PROSER1: variants seen among roughly 807,000 people sequenced by gnomAD.
PROSER1 encodes the protein proline and serine rich 1, also known as proline and serine-rich protein 1.
PROSER1 carries 36 observed loss-of-function variants against 71.8 expected under a neutral mutation model. The ratio of observed to expected loss-of-function variants is 0.50; its 90% CI spans 0.38 to 0.66. PROSER1 has a LOEUF of 0.66. PROSER1 is among the 30% of genes least tolerant of loss of function. The pLI, the probability that PROSER1 is intolerant of heterozygous loss-of-function variation, is 0.00. For synonymous variants in PROSER1, 490 were observed against 452.4 expected (o/e 1.08, Z -1.06); for missense variants, 1,107 against 1,135.0 (o/e 0.98, Z 0.35).
At position 39,014,154 on chromosome 13, in the gene PROSER1, C is replaced by T; in HGVS notation, c.1098G>A (p.Val366=). The part of the protein sequence containing the change: ...TPVPSIFSGL[V]SLPGPSATPT... ...GAGTGGCAGAAGGACCTGGCAGTGA[C>T]ACTAGGCCAGAAAAAATGGAAGGAA... The change falls in exon 11 of 13, where the codon GTG becomes GTA. Residue 366 remains valine (V), a synonymous_variant. Coordinates refer to ENST00000352251, the MANE Select transcript of PROSER1 (RefSeq NM_025138.5). The T allele has an allele frequency of 6.2e-7, 1 of 1,614,070 alleles. No homozygotes were observed. The highest frequency in any genetic ancestry group is 1.1e-5 in the South Asian group (1 of 91,082).
Position 39,037,860 on chromosome 13 carries a change from C to G in PROSER1, c.-618G>C, listed in dbSNP as rs1417315958. The G allele has an allele frequency of 1.3e-5, 2 of 152,584 alleles. No homozygotes were observed. Among genetic ancestry groups the G allele is most frequent in the Non-Finnish European group, 1.5e-5 (1 of 68,350 alleles). 9.5% of individuals were successfully genotyped at this position (152,584 alleles called of 1,614,324 possible). A position where few individuals can be genotyped will look rare whatever the true frequency, so the allele number is the denominator to read the frequency against. ...AGGCGGCCCGGCAGGCTCTTTGTTA[C>G]CAGCTGCTGCAGCTTCCGGGAGCGG... is the stretch of plus-strand genomic sequence containing the variant. On this transcript the variant is annotated 5_prime_UTR_variant, in exon 1 of 13. Transcript: ENST00000352251.
intron 5 of PROSER1, among the ~76,000 whole-genome samples, chr13:39,027,353 G>A (rs908348270): frequency 6.6e-6 from 1 of 152,020 alleles, no homozygotes; most frequent in African/African-American, 2.4e-5. Context: ...TATAAATATT[G>A]TAAAGGCTCT....
At chr13:39,023,159 A>G in intron 7 of PROSER1, 29 bp from the exon 8 acceptor site, 1 of 1,557,084 alleles carries the variant, frequency 6.4e-7, no homozygotes, top group Non-Finnish European at 8.9e-7. Context: ...TACAGCAGTT[A>G]GAAGAAAATC....
Position 39,031,639 on chromosome 13 carries a change from C to T in PROSER1, c.112-8G>A, listed in dbSNP as rs1269506964. On this transcript the variant is annotated splice_polypyrimidine_tract_variant and splice_region_variant and intron_variant, in intron 2 of 12. Transcript: ENST00000352251. The stretch of plus-strand genomic sequence containing the variant: ...TCTCAGCAAATCAACCACCTGAAAA[C>T]AAAGAACTAACAGCTCTAATGACAG... 1.2e-6 allele frequency: 2 copies of T among 1,611,134 alleles called. No individual in the cohort carries two copies. Among genetic ancestry groups the T allele is most frequent in the African/African-American group, 1.3e-5 (1 of 74,720 alleles).
At chr13:39,025,014 A>G (rs2138121079) in intron 6 of PROSER1, among the ~76,000 whole-genome samples, 1 of 152,228 alleles carries the variant, frequency 6.6e-6, no homozygotes, top group East Asian at 1.9e-4. Flanking sequence ...GTTATGCTGC[A>G]TTGTTTTACT....
intron 10 of PROSER1, among the ~76,000 whole-genome samples, chr13:39,016,320 C>G (rs1430026668): frequency 6.6e-6 from 1 of 152,196 alleles, no homozygotes; most frequent in African/African-American, 2.4e-5. Context: ...AACTAACACC[C>G]TCATTTGACA....
At chr13:39,015,693 GA>G (rs200972910) in intron 10 of PROSER1, among the ~76,000 whole-genome samples, 20 of 146,838 alleles carry the variant, frequency 1.4e-4, no homozygotes, top group Admixed American at 3.4e-4. Flanking sequence ...AGTTGTTTTA[GA>G]AAAAAAAAAT....
rs773093191 is a variant in PROSER1 at position 39,012,894 on chromosome 13, G to A, written c.2358C>T (p.Pro786=). Residue 786 remains proline, a synonymous_variant, in exon 11 of 13, where the codon CCC becomes CCT. Coordinates refer to ENST00000352251, the MANE Select transcript of PROSER1 (RefSeq NM_025138.5). ...VTQGPLSSSN[P]SYPGFSVSNT... ...TAGAGACAGAAAAGCCTGGATAGGA[G>A]GGATTTGAAGATGACAGAGGTCCTT... The A allele has an allele frequency of 1.2e-6, 2 of 1,614,068 alleles. No homozygotes were observed. The highest frequency in any genetic ancestry group is 8.5e-7 in the Non-Finnish European group (1 of 1,180,038).
At position 39,020,953 on chromosome 13, in the gene PROSER1, T is replaced by G. The variant is rs545190208; in HGVS notation, c.730+1373A>C. On this transcript the variant is annotated intron_variant, in intron 9 of 12. Transcript: ENST00000352251. ...TACTCAAATGGTGGCATTCATTAAG[T>G]CAATGATACTTCTCCATAGCACGTC... Among the ~76,000 whole-genome samples, 17 of 152,358 alleles carry G rather than the reference T, an allele frequency of 1.1e-4. No individual in the cohort carries two copies. In the South Asian group the frequency reaches 3.3e-3, roughly 30 times the overall value.
chr13:39,013,796 A>G lies in PROSER1; in HGVS notation c.1456T>C (p.Ser486Pro). Residue 486 changes from serine to proline, a missense_variant, in exon 11 of 13, where the codon TCC becomes CCC. By Grantham distance (74) the Ser-to-Pro change is moderately conservative. Transcript: ENST00000352251. Reference sequence around the variant, plus strand: ...GTGACAGCAGAGGATAAAGCAGAGGAGTTGATTAAATTGGTGTCATTGGAT... The same window carrying G: ...GTGACAGCAGAGGATAAAGCAGAGGGGTTGATTAAATTGGTGTCATTGGAT... ...LTSNDTNLIN[S>P]SALSSAVTSG... The G allele has an allele frequency of 6.2e-7, 1 of 1,614,182 alleles. No individual in the cohort carries two copies. The highest frequency in any genetic ancestry group is 8.5e-7 in the Non-Finnish European group (1 of 1,180,032).
intron 8 of PROSER1, chr13:39,022,752 C>A: frequency 2.6e-6 from 1 of 391,526 alleles, no homozygotes; most frequent in Non-Finnish European, 4.6e-6. Flanking sequence ...TGAATGATGC[C>A]TCTGAACTAC....
At position 39,013,099 on chromosome 13, in the gene PROSER1, G is replaced by A; in HGVS notation, c.2153C>T (p.Ser718Leu). 1.2e-6 allele frequency: 2 copies of A among 1,614,150 alleles called. No homozygotes were observed. The highest frequency in any genetic ancestry group is 1.3e-5 in the African/African-American group (1 of 75,034). The change falls in exon 11 of 13, where the codon TCA (serine) becomes TTA (leucine). Residue 718 changes from serine to leucine, a missense_variant. Transcript: ENST00000352251. Reference sequence around the variant, plus strand: ...TATTAATGACCCTGGGAGAGATACTGACGGATTAAGAGATGGGTTGCCAGT... The same window carrying A: ...TATTAATGACCCTGGGAGAGATACTAACGGATTAAGAGATGGGTTGCCAGT... ...PLTGNPSLNP[S>L]VSLPGSLIAT...
At position 39,031,643 on chromosome 13, in the gene PROSER1, GAACT is replaced by G. The variant is rs758384820; in HGVS notation, c.112-16_112-13del. On this transcript the variant is annotated splice_polypyrimidine_tract_variant and intron_variant, in intron 2 of 12. Coordinates refer to ENST00000352251, the MANE Select transcript of PROSER1 (RefSeq NM_025138.5). ...AGCAAATCAACCACCTGAAAACAAA[GAACT>G]AACAGCTCTAATGACAGCATGTTTG... 6 of 1,609,028 alleles carry G rather than the reference GAACT, an allele frequency of 3.7e-6. No homozygotes were observed. The highest frequency in any genetic ancestry group is 2.7e-5 in the African/African-American group (2 of 74,592).
intron 3 of PROSER1, among the ~76,000 whole-genome samples, 197 bp from the exon 4 acceptor site, chr13:39,029,572 T>C (rs1042971833): frequency 2.6e-5 from 4 of 152,122 alleles, no homozygotes; most frequent in Non-Finnish European, 5.9e-5. Context: ...CCATTTCAGT[T>C]GAAGATCTAA....
chr13:39,031,738 G>A, intron 2 of PROSER1, 107 bp from the exon 3 acceptor site: 1 of 869,950 alleles, frequency 1.1e-6, no homozygotes, highest in Non-Finnish European at 1.9e-6. Context: ...AGGCCCAGGT[G>A]ATACAGGTGG....
At chr13:39,016,172 A>G (rs1325554541) in intron 10 of PROSER1, among the ~76,000 whole-genome samples, 2 of 152,236 alleles carry the variant, frequency 1.3e-5, no homozygotes, top group African/African-American at 4.8e-5. Context: ...AATAAAAAAA[A>G]TCCCAACCAC....
chr13:39,037,084 C>A, intron 1 of PROSER1, 114 bp downstream of exon 1: 1 of 755,060 alleles, frequency 1.3e-6, no homozygotes, highest in South Asian at 1.6e-5. Flanking sequence ...AAATTCAAAC[C>A]AATTTGGCAA....
At chr13:39,014,736 T>C (rs1593527931) in intron 10 of PROSER1, among the ~76,000 whole-genome samples, 1 of 152,154 alleles carries the variant, frequency 6.6e-6, no homozygotes, top group Non-Finnish European at 1.5e-5. Flanking sequence ...GCTTGCGAAG[T>C]GTCCTTTCAT....
At chr13:39,028,714 A>G (rs1321336900) in intron 4 of PROSER1, among the ~76,000 whole-genome samples, 1 of 152,192 alleles carries the variant, frequency 6.6e-6, no homozygotes, top group African/African-American at 2.4e-5. Context: ...ACCTATGCAT[A>G]CAAAAAGGAC....
Sources: allele counts gnomAD v4.1 joint callset (sites outside exome capture counted in the v4.1 genomes callset), GRCh38; gene constraint gnomAD v4.1.1; transcripts MANE v1.5; gene names NCBI Gene and HGNC (gene_info 2026-07-23, HGNC 2026-07-21).